Variants in PCSK6 observed in about 807,000 individuals in gnomAD.
PCSK6 encodes paired basic amino acid cleaving enzyme 4.
Under a neutral mutation model 123.3 loss-of-function variants are expected in PCSK6, and 85 were observed. The ratio of observed to expected loss-of-function variants is 0.69; its 90% CI spans 0.58 to 0.83. The LOEUF (loss-of-function observed/expected upper bound fraction) is 0.83. Ranked by LOEUF, PCSK6 falls within the 40% of genes least tolerant of loss-of-function variation. The pLI is 0.00. For synonymous variants in PCSK6, 508 were observed against 516.0 expected, an observed-to-expected ratio of 0.98 and a Z score of 0.21; for missense variants, 1,191 against 1,282.3, an observed-to-expected ratio of 0.93 and a Z score of 1.09.
chr15:101,366,444 C>A, intron 12 of PCSK6, 112 bp from the exon 13 acceptor site: 4 of 1,127,340 alleles, frequency 3.5e-6, no homozygotes, highest in South Asian at 3.4e-5. Flanking sequence ...CTGGACCGTA[C>A]CCCCAGGGTA....
At chr15:101,367,821 TG>T (rs953493148) in intron 12 of PCSK6, among the ~76,000 whole-genome samples, 3 of 150,778 alleles carry the variant, frequency 2.0e-5, no homozygotes, top group Non-Finnish European at 4.4e-5. Context: ...GGGTAGTTTT[TG>T]TTTGTTTGTT....
At position 101,426,884 on chromosome 15, in the gene PCSK6, C is replaced by T. The variant is rs191030559; in HGVS notation, c.823+1008G>A. On this transcript the variant is annotated intron_variant, in intron 6 of 21. Coordinates refer to ENST00000611716, the MANE Select transcript of PCSK6 (RefSeq NM_002570.5). ...TCAGTGGCAGGATGGCAGTGCCCCC[C>T]CGGGAAGGTGGTTTCCCACTGCAGC... Among the ~76,000 whole-genome samples the T allele has an allele frequency of 6.3e-3, 954 of 152,282 alleles. 10 individuals carry two copies. The highest frequency in any genetic ancestry group is 7.1e-3 in the Non-Finnish European group (481 of 68,014).
At chr15:101,386,850 CA>C (rs2042079657) in intron 9 of PCSK6, among the ~76,000 whole-genome samples, 1 of 152,226 alleles carries the variant, frequency 6.6e-6, no homozygotes, top group Admixed American at 6.5e-5. Context: ...ATATCACCCA[CA>C]AGTGGGATTG....
intron 18 of PCSK6, among the ~76,000 whole-genome samples, chr15:101,319,766 G>A (rs1213465093): frequency 3.3e-5 from 5 of 152,208 alleles, no homozygotes; most frequent in Admixed American, 3.3e-4. Context: ...GGGTAGCCCA[G>A]CCCAGCCCCA....
chr15:101,421,429 T>C (rs2056082012), intron 6 of PCSK6, among the ~76,000 whole-genome samples: 1 of 152,238 alleles, frequency 6.6e-6, no homozygotes, highest in African/African-American at 2.4e-5. Context: ...GAGTGTATTG[T>C]TAAACTTAGT....
intron 13 of PCSK6, among the ~76,000 whole-genome samples, chr15:101,361,621 A>G (rs2141438900): frequency 6.6e-6 from 1 of 152,330 alleles, no homozygotes; most frequent in African/African-American, 2.4e-5. Context: ...GCAGGAAATG[A>G]TTCACGGTGG....
In PCSK6 at chr15:101,457,946, C is replaced by G. The variant is rs2057232167; in HGVS notation, c.298-14286G>C. ...TTATGTCATCTCTTATGCTCACATT[C>G]CATCTGATGTTTGCTTACCCCCTAC... On this transcript the variant is annotated intron_variant, in intron 1 of 21. Coordinates refer to ENST00000611716, the MANE Select transcript of PCSK6 (RefSeq NM_002570.5). 2.6e-5 allele frequency among the ~76,000 whole-genome samples: 4 copies of G among 152,206 alleles called. No individual in the cohort carries two copies. In the South Asian group the frequency reaches 8.3e-4, roughly 31 times the overall value.
chr15:101,370,376 C>T lies in PCSK6; in HGVS notation c.1680G>A (p.Leu560=), dbSNP rs1018691643. Residue 560 remains leucine, a synonymous_variant, in exon 12 of 22, where the codon CTG becomes CTA. Coordinates refer to ENST00000611716, the MANE Select transcript of PCSK6 (RefSeq NM_002570.5). Reference sequence around the variant, plus strand: ...GAGACTTGGTTCCCGAGGGAGAAACCAGGTAGATCTGGAGGTCTCCTCGGC... The same window carrying T: ...GAGACTTGGTTCCCGAGGGAGAAACTAGGTAGATCTGGAGGTCTCCTCGGC... ...HPRRGDLQIY[L]VSPSGTKSQL... is the part of the protein sequence containing the mutation. 6.4e-6 allele frequency: 10 copies of T among 1,553,868 alleles called. No individual in the cohort carries two copies. In the African/African-American group the frequency reaches 1.4e-4, roughly 21 times the overall value.
chr15:101,387,870 C>T (rs73479158), intron 9 of PCSK6, among the ~76,000 whole-genome samples: 2,580 of 149,394 alleles, frequency 0.017, 70 homozygotes, highest in African/African-American at 0.06. Flanking sequence ...TTCAAATTCC[C>T]AGACATCAAC....
chr15:101,479,926 C>T (rs890443045), intron 1 of PCSK6, among the ~76,000 whole-genome samples: 1 of 152,210 alleles, frequency 6.6e-6, no homozygotes, highest in Non-Finnish European at 1.5e-5. Context: ...GGGACAGGAC[C>T]TTCTTAGACT....
chr15:101,474,324 C>A (rs974841719), intron 1 of PCSK6, among the ~76,000 whole-genome samples: 2 of 152,184 alleles, frequency 1.3e-5, no homozygotes, highest in Non-Finnish European at 2.9e-5. Flanking sequence ...AGGCACAGAT[C>A]CAGGTACATG....
intron 6 of PCSK6, among the ~76,000 whole-genome samples, chr15:101,421,198 C>T (rs961867290): frequency 6.6e-6 from 1 of 152,122 alleles, no homozygotes; most frequent in African/African-American, 2.4e-5. Flanking sequence ...TGCTCACCTC[C>T]GCCTCTCAAA....
intron 1 of PCSK6, among the ~76,000 whole-genome samples, chr15:101,472,049 G>A (rs1007045140): frequency 1.3e-5 from 2 of 152,018 alleles, no homozygotes; most frequent in South Asian, 4.2e-4. Flanking sequence ...AAAGCTAAAT[G>A]ACCCAGAAAA....
intron 13 of PCSK6, among the ~76,000 whole-genome samples, chr15:101,351,064 C>T (rs1394967347): frequency 6.6e-6 from 1 of 152,208 alleles, no homozygotes; most frequent in Non-Finnish European, 1.5e-5. Context: ...TTCAGGGTTA[C>T]TCACATCTGT....
intron 1 of PCSK6, among the ~76,000 whole-genome samples, chr15:101,456,129 T>A (rs1158022279): frequency 6.6e-6 from 1 of 152,200 alleles, no homozygotes; most frequent in Non-Finnish European, 1.5e-5. Flanking sequence ...ATACTCAAAG[T>A]AAAACTTCAG....
chr15:101,313,119 T>G, intron 20 of PCSK6: 1 of 1,432,740 alleles, frequency 7.0e-7, no homozygotes. Context: ...CAATGGGGTG[T>G]GAGCACCTTG....
chr15:101,353,276 T>C (rs1265572244), intron 13 of PCSK6, among the ~76,000 whole-genome samples: 1 of 152,194 alleles, frequency 6.6e-6, no homozygotes, highest in Non-Finnish European at 1.5e-5. Flanking sequence ...GCACGTGCAG[T>C]TCACAATGGG....
intron 19 of PCSK6, 91 bp downstream of exon 19, chr15:101,318,228 C>T: frequency 1.1e-6 from 1 of 889,274 alleles, no homozygotes; most frequent in Non-Finnish European, 1.8e-6. Flanking sequence ...AATGCAGAAG[C>T]CCACGAAGTC....
rs578192963 is a variant in PCSK6, at chr15:101,362,530, G to A, written c.1858+3666C>T. Among the ~76,000 whole-genome samples the A allele has an allele frequency of 2.6e-5, 4 of 152,304 alleles. No individual in the cohort carries two copies. In the South Asian group the frequency reaches 8.3e-4, roughly 32 times the overall value. On this transcript the variant is annotated intron_variant, in intron 13 of 21. Transcript: ENST00000611716. Reference sequence around the variant, plus strand: ...GGTATGTGCGAGAGGATCAGCCAACGAGATGCACAAGGGGCAGCCTGTGAG... The same window carrying A: ...GGTATGTGCGAGAGGATCAGCCAACAAGATGCACAAGGGGCAGCCTGTGAG...
Sources: allele counts gnomAD v4.1 joint callset (sites outside exome capture counted in the v4.1 genomes callset), GRCh38; gene constraint gnomAD v4.1.1; transcripts MANE v1.5; gene names NCBI Gene and HGNC (gene_info 2026-07-23, HGNC 2026-07-21).